The following RARS2 variants were observed in gnomAD, a reference collection of about 807,000 sequenced individuals.
RARS2 encodes the protein arginyl-tRNA synthetase 2, mitochondrial.
RARS2 carries 67 observed loss-of-function variants against 88.5 expected under a neutral mutation model. The ratio of observed to expected loss-of-function variants is 0.76; its 90% CI spans 0.62 to 0.93. RARS2 has a LOEUF of 0.93. Ranked by LOEUF, RARS2 falls within the 40% of genes least tolerant of loss-of-function variation. RARS2 has a pLI of 0.00. For missense variants in RARS2, 664 were observed against 684.2 expected (o/e 0.97, Z 0.33); for synonymous variants, 239 against 230.3 (o/e 1.04, Z -0.34).
At chr6:87,583,829 T>C (rs1169805898) in intron 1 of RARS2, among the ~76,000 whole-genome samples, 2 of 152,334 alleles carry the variant, frequency 1.3e-5, no homozygotes, top group East Asian at 1.9e-4. Flanking sequence ...TCCTTTCATG[T>C]TCCTGAATCT....
chr6:87,586,341 C>G (rs1008684074), intron 1 of RARS2, among the ~76,000 whole-genome samples: 10 of 152,236 alleles, frequency 6.6e-5, no homozygotes, highest in Non-Finnish European at 1.3e-4. Context: ...TTCCAGATGT[C>G]TGTGTCTATG....
chr6:87,517,895 T>C (rs1582256308), intron 17 of RARS2, among the ~76,000 whole-genome samples: 1 of 152,286 alleles, frequency 6.6e-6, no homozygotes, highest in East Asian at 1.9e-4. Flanking sequence ...GTTATGCTTT[T>C]ATAAGGCTTT....
In RARS2 at chr6:87,530,787, G is replaced by A. The variant is rs1352044983; in HGVS notation, c.768C>T (p.Tyr256=). The A allele has an allele frequency of 6.2e-7, 1 of 1,614,018 alleles. No individual in the cohort carries two copies. Among genetic ancestry groups the A allele is most frequent in the African/African-American group, 1.3e-5 (1 of 74,936 alleles). ...DLSIEEYIRV[Y]KRLGVYFDEY... is the part of the protein sequence containing the mutation. Reference sequence around the variant, plus strand: ...AGAAGGGAGGGTCAACCAATACCTTGTAAACCCGAATGTACTCTTCAATGC... The same window carrying A: ...AGAAGGGAGGGTCAACCAATACCTTATAAACCCGAATGTACTCTTCAATGC... The change falls in exon 9 of 20, where the codon TAC becomes TAT. Residue 256 remains tyrosine, a synonymous_variant. Coordinates refer to ENST00000369536, the MANE Select transcript of RARS2 (RefSeq NM_020320.5).
At chr6:87,545,373 C>T (rs1782290258) in intron 7 of RARS2, among the ~76,000 whole-genome samples, 1 of 151,944 alleles carries the variant, frequency 6.6e-6, no homozygotes, top group South Asian at 2.1e-4. Context: ...AGTGAAATAC[C>T]ATGCCTGGCC....
rs536889240 is a variant in RARS2 at position 87,583,513 on chromosome 6, T to C, written c.36+6409A>G. On this transcript the variant is annotated intron_variant, in intron 1 of 19. Transcript: ENST00000369536. Reference sequence around the variant, plus strand: ...CTGAGGCAGGAGAATCGCTTGAACCTGGGAGGTGGAGGTTGCGGTGAGCCG... The same window carrying C: ...CTGAGGCAGGAGAATCGCTTGAACCCGGGAGGTGGAGGTTGCGGTGAGCCG... Among the ~76,000 whole-genome samples the C allele has an allele frequency of 1.2e-4, 18 of 150,612 alleles. No individual in the cohort carries two copies. The East Asian group carries it at 3.5e-3, about 29-fold the overall frequency.
intron 10 of RARS2, among the ~76,000 whole-genome samples, chr6:87,527,243 T>C (rs1481599126): frequency 1.3e-5 from 2 of 151,860 alleles, no homozygotes; most frequent in Non-Finnish European, 2.9e-5. Context: ...TGGGAGGCAG[T>C]GGTTGCACTG....
intron 1 of RARS2, among the ~76,000 whole-genome samples, chr6:87,580,347 G>A (rs552703114): frequency 2.0e-5 from 3 of 152,048 alleles, no homozygotes; most frequent in African/African-American, 4.8e-5. Context: ...TACACAATGC[G>A]AACCAAATAA....
At chr6:87,515,956 A>T (rs1771563833) in intron 18 of RARS2, 1 of 103,970 alleles carries the variant, frequency 9.6e-6, no homozygotes, top group South Asian at 3.1e-4. Flanking sequence ...TCTCAAAAAA[A>T]AGAAAAAAAA....
chr6:87,555,249 T>C (rs1582642958), intron 5 of RARS2, among the ~76,000 whole-genome samples, 159 bp downstream of exon 5: 1 of 152,114 alleles, frequency 6.6e-6, no homozygotes, highest in Admixed American at 6.5e-5. Flanking sequence ...TATTCACAGT[T>C]CAATGATTGA....
intron 1 of RARS2, among the ~76,000 whole-genome samples, chr6:87,579,653 T>TAA (rs71018100): frequency 1.3e-5 from 1 of 77,686 alleles, no homozygotes; most frequent in African/African-American, 5.0e-5. Flanking sequence ...GGGTGCAGCA[T>TAA]AAAAAAAAAA....
At chr6:87,562,411 G>A (rs760722354) in intron 4 of RARS2, among the ~76,000 whole-genome samples, 1 of 152,166 alleles carries the variant, frequency 6.6e-6, no homozygotes, top group Non-Finnish European at 1.5e-5. Flanking sequence ...ATTGTCTTAT[G>A]GGACCATCAT....
intron 14 of RARS2, chr6:87,519,304 C>G: frequency 2.6e-6 from 1 of 383,256 alleles, no homozygotes; most frequent in South Asian, 2.3e-5. Context: ...CAAATTATAA[C>G]ATAGAAACTT....
At chr6:87,514,683 A>G (rs1414690758) in intron 19 of RARS2, among the ~76,000 whole-genome samples, 184 bp from the exon 20 acceptor site, 1 of 152,228 alleles carries the variant, frequency 6.6e-6, no homozygotes, top group Admixed American at 6.5e-5. Context: ...ACCTGTACAT[A>G]AAGTGTCATG....
At chr6:87,525,563 T>TG (rs1416571556) in intron 10 of RARS2, among the ~76,000 whole-genome samples, 1 of 151,580 alleles carries the variant, frequency 6.6e-6, no homozygotes, top group African/African-American at 2.4e-5. Context: ...TTTTTTTTTT[T>TG]GAGACGGAGT....
At chr6:87,579,901 C>T (rs987272403) in intron 1 of RARS2, among the ~76,000 whole-genome samples, 1 of 151,610 alleles carries the variant, frequency 6.6e-6, no homozygotes, top group Non-Finnish European at 1.5e-5. Context: ...ACCCACTATG[C>T]CCAGCTAATT....
chr6:87,575,847 G>A (rs1448618978), intron 1 of RARS2, among the ~76,000 whole-genome samples: 1 of 148,956 alleles, frequency 6.7e-6, no homozygotes, highest in Non-Finnish European at 1.5e-5. Context: ...ATGGAGTTTC[G>A]CTTTTGTCAC....
chr6:87,563,841 C>T (rs1157219367), intron 3 of RARS2, among the ~76,000 whole-genome samples: 2 of 152,194 alleles, frequency 1.3e-5, no homozygotes, highest in East Asian at 1.9e-4. Context: ...CTCCTAAATT[C>T]AAAAGTCCAT....
Position 87,545,716 on chromosome 6 carries a change from T to C in RARS2, c.452-17A>G, listed in dbSNP as rs763899975. ...TAAAATTTCCTAGTAATCAATAAAG[T>C]ATATAGTTTCTCATTCTTGTTATCC... On this transcript the variant is annotated splice_polypyrimidine_tract_variant and intron_variant, in intron 6 of 19. Transcript: ENST00000369536. The C allele has an allele frequency of 3.1e-6, 5 of 1,609,862 alleles. No homozygotes were observed. The highest frequency in any genetic ancestry group is 4.2e-6 in the Non-Finnish European group (5 of 1,177,764).
intron 1 of RARS2, among the ~76,000 whole-genome samples, chr6:87,570,407 T>C (rs780988552): frequency 1.1e-4 from 16 of 152,120 alleles, no homozygotes; most frequent in Admixed American, 7.9e-4. Context: ...GGAAGAGACA[T>C]TCCCATGTAC....
Sources: gnomAD v4.1 joint callset for allele counts (sites outside exome capture counted in the v4.1 genomes callset) on GRCh38, gnomAD v4.1.1 for gene constraint, MANE v1.5 for transcripts, NCBI Gene and HGNC (gene_info 2026-07-23, HGNC 2026-07-21) for gene names.